Variants in ELN observed in about 807,000 individuals in gnomAD.
ELN encodes the protein elastin, also known as tropoelastin.
ELN carries 65 observed loss-of-function variants against 105.8 expected under a neutral mutation model. The observed-to-expected ratio is 0.61, with a 90% CI of 0.50 to 0.75. The LOEUF (loss-of-function observed/expected upper bound fraction) is 0.75, where lower values mean the gene tolerates loss of function less well. Among genes scored for constraint, ELN ranks in the 30% least tolerant of loss-of-function variants. ELN has a pLI of 0.00. For missense variants in ELN, 882 were observed against 969.4 expected (o/e 0.91, Z 1.20); for synonymous variants, 368 against 389.2 (o/e 0.95, Z 0.64).
chr7:74,040,144 C>T (rs3801460), intron 4 of ELN, among the ~76,000 whole-genome samples: 17,319 of 152,254 alleles, frequency 0.11, 1,369 homozygotes, highest in East Asian at 0.21. Context: ...TGCCTGCCCC[C>T]CACTGCAGCC....
In ELN at chr7:74,063,413, C is replaced by A. The variant is rs370226304; in HGVS notation, c.1918+44C>A. 17 of 1,544,962 alleles carry A rather than the reference C, an allele frequency of 1.1e-5. No homozygotes were observed. The highest frequency in any genetic ancestry group is 1.3e-5 in the Non-Finnish European group (15 of 1,148,154). On this transcript the variant is annotated intron_variant, in intron 28 of 32. Transcript: ENST00000252034. This position sits in a 1 kb window ranked among gnomAD's most constrained non-coding sequence, Gnocchi z 4.1. ...TGGGAGCTGCCGCCAGGCCCCCAGGCCCCCAGGGTGTGGGAGGAGCTTCTG... is the reference window on the plus strand; with the variant it reads ...TGGGAGCTGCCGCCAGGCCCCCAGGACCCCAGGGTGTGGGAGGAGCTTCTG...
intron 14 of ELN, 71 bp from the exon 15 acceptor site, chr7:74,048,432 T>C: frequency 6.2e-7 from 1 of 1,610,788 alleles, no homozygotes; most frequent in Non-Finnish European, 8.5e-7. Flanking sequence ...CTCTTGGGGC[T>C]GGGAACAAGT....
chr7:74,047,417 G>A (rs553249186), intron 12 of ELN, among the ~76,000 whole-genome samples: 1 of 152,320 alleles, frequency 6.6e-6, no homozygotes, highest in East Asian at 1.9e-4. Context: ...CTGAGGAGGG[G>A]GTGTAAGGAA....
At chr7:74,060,351 C>A in intron 24 of ELN, 25 bp from the exon 25 acceptor site, 1 of 1,614,116 alleles carries the variant, frequency 6.2e-7, no homozygotes, top group Non-Finnish European at 8.5e-7. Flanking sequence ...TGCCTGCTGT[C>A]GCCACCACTG....
At chr7:74,067,778 A>G (rs1307662856) in intron 32 of ELN, among the ~76,000 whole-genome samples, 2 of 150,460 alleles carry the variant, frequency 1.3e-5, no homozygotes, top group African/African-American at 4.9e-5. Flanking sequence ...AAAAAAAAAA[A>G]TTAGCCAGGT....
At chr7:74,065,423 T>C (rs556248321) in intron 29 of ELN, among the ~76,000 whole-genome samples, 1 of 152,012 alleles carries the variant, frequency 6.6e-6, no homozygotes, top group East Asian at 1.9e-4. Context: ...GCGACCAGCC[T>C]GGCCAACATG....
chr7:74,061,022 G>A (rs1796529163), intron 25 of ELN, 79 bp from the exon 26 acceptor site: 5 of 1,559,494 alleles, frequency 3.2e-6, no homozygotes, highest in South Asian at 1.1e-5. Flanking sequence ...AGTCAGGGAG[G>A]GCTCTCTAGA....
chr7:74,066,402 A>G (rs1180399171), intron 31 of ELN, among the ~76,000 whole-genome samples: 1 of 151,980 alleles, frequency 6.6e-6, no homozygotes, highest in Non-Finnish European at 1.5e-5. Context: ...CCCTGTCTCT[A>G]CTAAAAAAAA....
chr7:74,056,620 G>T, intron 20 of ELN, 52 bp from the exon 21 acceptor site: 3 of 1,613,064 alleles, frequency 1.9e-6, no homozygotes, highest in Non-Finnish European at 2.5e-6. Flanking sequence ...ACGGCTCGGA[G>T]GAGACCCAGG....
intron 17 of ELN, chr7:74,052,617 G>T: frequency 6.3e-6 from 1 of 158,870 alleles, no homozygotes; most frequent in South Asian, 1.5e-4. Flanking sequence ...GAGAGAGACA[G>T]GAAGGAAGGA....
chr7:74,052,027 C>A, intron 17 of ELN, 44 bp downstream of exon 17: 1 of 1,609,566 alleles, frequency 6.2e-7, no homozygotes, highest in Non-Finnish European at 8.5e-7. Context: ...CGGGCCCCTG[C>A]ATAGACCTCG....
At chr7:74,060,950 C>T (rs1171332504) in intron 25 of ELN, 151 bp from the exon 26 acceptor site, 1 of 947,006 alleles carries the variant, frequency 1.1e-6, no homozygotes, top group Admixed American at 1.8e-5. Flanking sequence ...AGGCACTGTT[C>T]AGCCCTAAAG....
intron 15 of ELN, 41 bp from the exon 16 acceptor site, chr7:74,051,709 G>C (rs1014555890): frequency 1.1e-5 from 17 of 1,609,584 alleles, no homozygotes; most frequent in Non-Finnish European, 1.4e-5. Flanking sequence ...TCCTCAGGAG[G>C]GTCCTTGGGA....
At chr7:74,035,483 T>C (rs782098841) in intron 2 of ELN, 69 bp downstream of exon 2, 9 of 1,578,342 alleles carry the variant, frequency 5.7e-6, no homozygotes, top group Non-Finnish European at 7.0e-6. Context: ...TAGATGCACA[T>C]TTTGACACTA....
At chr7:74,037,000 T>C (rs1790114500) in intron 3 of ELN, among the ~76,000 whole-genome samples, 1 of 151,820 alleles carries the variant, frequency 6.6e-6, no homozygotes, top group Admixed American at 6.6e-5. Flanking sequence ...TTTGTATTTT[T>C]TCTAGAGACA....
At chr7:74,056,218 G>T in intron 19 of ELN, 53 bp from the exon 20 acceptor site, 1 of 1,611,700 alleles carries the variant, frequency 6.2e-7, no homozygotes, top group Non-Finnish European at 8.5e-7. Context: ...CTCAGAGCCC[G>T]CCCAGCCTCT....
rs144404558 is a variant in ELN, at chr7:74,054,746, C to T, written c.1127C>T (p.Ala376Val). The change falls in exon 19 of 33, where the codon GCA becomes GTA. Residue 376 changes from alanine (A) to valine (V), a missense_variant. Physicochemically the swap from Ala to Val is moderately conservative, Grantham distance 64. Coordinates refer to ENST00000252034, the MANE Select transcript of ELN (RefSeq NM_000501.4). Reference sequence around the variant, plus strand: ...GTGTCACCAGAAGCAGCTGCTAAGGCAGCTGCAAAGGCAGCCAAATACGGT... The same window carrying T: ...GTGTCACCAGAAGCAGCTGCTAAGGTAGCTGCAAAGGCAGCCAAATACGGT... ...GVVSPEAAAK[A>V]AAKAAKYGAR... The T allele has an allele frequency of 1.2e-6, 2 of 1,614,044 alleles. No homozygotes were observed. The highest frequency in any genetic ancestry group is 2.7e-5 in the African/African-American group (2 of 74,934).
Position 74,066,008 on chromosome 7 carries a change from C to T in ELN, c.2086+11C>T, listed in dbSNP as rs782027359. 37 of 1,613,942 alleles carry T rather than the reference C, an allele frequency of 2.3e-5. No homozygotes were observed. In the South Asian group the frequency reaches 3.8e-4, roughly 17 times the overall value. ...AGTTCCCACTTGGAGGTAGGGGTGGCCAGCTCTGCTACGTAGTCCTCAGCT... is the reference window on the plus strand; with the variant it reads ...AGTTCCCACTTGGAGGTAGGGGTGGTCAGCTCTGCTACGTAGTCCTCAGCT... On this transcript the variant is annotated intron_variant, in intron 31 of 32. Coordinates refer to ENST00000252034, the MANE Select transcript of ELN (RefSeq NM_000501.4).
chr7:74,061,276 G>A (rs1387038832), intron 26 of ELN, 137 bp downstream of exon 26: 30 of 1,076,784 alleles, frequency 2.8e-5, no homozygotes, highest in Admixed American at 3.8e-5. Flanking sequence ...CAGCACTTTG[G>A]GAGGCCGAGG....
Sources: allele counts gnomAD v4.1 joint callset (sites outside exome capture counted in the v4.1 genomes callset), GRCh38; gene constraint gnomAD v4.1.1; non-coding constraint Gnocchi (gnomAD v3.1); transcripts MANE v1.5; gene names NCBI Gene and HGNC (gene_info 2026-07-23, HGNC 2026-07-21).